Variants in CACNA1C observed in about 807,000 individuals in gnomAD.
The protein encoded by CACNA1C is voltage-dependent L-type calcium channel subunit alpha-1C.
CACNA1C carries 30 observed loss-of-function variants against 229.0 expected under a neutral mutation model. The ratio of observed to expected loss-of-function variants is 0.13; its 90% CI spans 0.10 to 0.18. CACNA1C has a LOEUF of 0.18. Ranked by LOEUF, CACNA1C falls within the 10% of genes least tolerant of loss-of-function variation. The probability of loss-of-function intolerance (pLI) is 1.00; values close to 1 mark genes in which losing one functional copy is unlikely to be tolerated. For missense variants in CACNA1C, 1,658 were observed against 2,845.0 expected (o/e 0.58, Z 9.49); for synonymous variants, 1,114 against 1,132.5 (o/e 0.98, Z 0.33).
At chr12:2,043,642 CTTTTTT>C (rs67625680) in intron 1 of CACNA1C, among the ~76,000 whole-genome samples, 7 of 91,382 alleles carry the variant, frequency 7.7e-5, no homozygotes, top group East Asian at 2.9e-4. Context: ...ACAGAATATT[CTTTTTT>C]TTTTTTTTTT....
chr12:2,653,767 TC>T lies in CACNA1C; in HGVS notation c.4075-65del. 1 of 1,390,596 alleles carries T rather than the reference TC, an allele frequency of 7.2e-7. No homozygotes were observed. Among genetic ancestry groups the T allele is most frequent in the Non-Finnish European group, 1.0e-6 (1 of 981,698 alleles). 86.1% of individuals were successfully genotyped at this position (1,390,596 alleles called of 1,614,324 possible). On this transcript the variant is annotated intron_variant, in intron 32 of 46. Transcript: ENST00000399655. The surrounding 1 kb of genome is among the most constrained non-coding windows in gnomAD (Gnocchi z 4.7). Reference sequence around the variant, plus strand: ...GGCTGCAGAGACAGGGATGCGGCGCTCCCTGGGAAGGGGCCCAGCTGGCCTC... The same window carrying T: ...GGCTGCAGAGACAGGGATGCGGCGCTCCTGGGAAGGGGCCCAGCTGGCCTC...
intron 29 of CACNA1C, chr12:2,612,751 G>A (rs1286081652): frequency 6.6e-6 from 1 of 152,184 alleles, no homozygotes; most frequent in Non-Finnish European, 1.5e-5. Context: ...GCAGACACTG[G>A]TATGAGCCAC....
rs2099705912 is a variant in CACNA1C, at chr12:2,488,589, A to G, written c.916+2327A>G. ...GAAGTTGCCTCCTACCAAGAGACTCATCAGATTGTTTATGTGATGGGTTTA... is the reference window on the plus strand; with the variant it reads ...GAAGTTGCCTCCTACCAAGAGACTCGTCAGATTGTTTATGTGATGGGTTTA... On this transcript the variant is annotated intron_variant, in intron 6 of 46. Transcript: ENST00000399655. The surrounding 1 kb of genome is among the most constrained non-coding windows in gnomAD (Gnocchi z 4.0). 6.6e-6 allele frequency among the ~76,000 whole-genome samples: 1 copy of G among 152,220 alleles called. No individual in the cohort carries two copies. The highest frequency in any genetic ancestry group is 2.4e-5 in the African/African-American group (1 of 41,462).
chr12:2,200,251 C>T (rs2097544001), intron 3 of CACNA1C, among the ~76,000 whole-genome samples: 1 of 152,192 alleles, frequency 6.6e-6, no homozygotes, highest in Non-Finnish European at 1.5e-5. Flanking sequence ...CCTGTGAATG[C>T]TTTCATTCAG....
intron 9 of CACNA1C, among the ~76,000 whole-genome samples, chr12:2,539,289 A>G (rs113108771): frequency 2.7e-5 from 2 of 73,858 alleles, no homozygotes; most frequent in African/African-American, 6.7e-5. Context: ...TAAGGACTTA[A>G]GGAGGGCTTC....
intron 3 of CACNA1C, among the ~76,000 whole-genome samples, chr12:2,426,975 C>T (rs1437964989): frequency 6.6e-6 from 1 of 152,196 alleles, no homozygotes; most frequent in Admixed American, 6.5e-5. Flanking sequence ...ACAAAGTCAG[C>T]TCAGATTGAA....
At chr12:2,349,465 T>C (rs1018644391) in intron 3 of CACNA1C, among the ~76,000 whole-genome samples, 4 of 152,204 alleles carry the variant, frequency 2.6e-5, no homozygotes, top group African/African-American at 9.6e-5. Context: ...ATAAACATTT[T>C]ACAAGCAGAT....
At chr12:2,185,673 C>T (rs1327243119) in intron 3 of CACNA1C, among the ~76,000 whole-genome samples, 1 of 152,238 alleles carries the variant, frequency 6.6e-6, no homozygotes, top group Non-Finnish European at 1.5e-5. Context: ...GAGACATCCA[C>T]CCTGCTGGCA....
intron 7 of CACNA1C, among the ~76,000 whole-genome samples, chr12:2,498,507 A>G (rs955952257): frequency 2.0e-5 from 3 of 152,146 alleles, no homozygotes; most frequent in African/African-American, 4.8e-5. Flanking sequence ...AGTCCTTATG[A>G]TTCTGTAATT....
chr12:2,076,300 G>A (rs892207583), intron 1 of CACNA1C, among the ~76,000 whole-genome samples: 14 of 152,198 alleles, frequency 9.2e-5, no homozygotes, highest in Non-Finnish European at 1.9e-4. Context: ...AACTTGCAGA[G>A]CAATGTCAAA....
intron 1 of CACNA1C, among the ~76,000 whole-genome samples, chr12:2,032,173 C>T (rs2048350700): frequency 6.6e-6 from 1 of 152,054 alleles, no homozygotes; most frequent in African/African-American, 2.4e-5. Flanking sequence ...AAGGGAGCAA[C>T]TTGGAGGAGT....
At chr12:2,610,873 G>A (rs1164329967) in intron 28 of CACNA1C, among the ~76,000 whole-genome samples, 174 bp downstream of exon 28, 1 of 152,224 alleles carries the variant, frequency 6.6e-6, no homozygotes, top group African/African-American at 2.4e-5. Context: ...TGGGCCTTAC[G>A]GAAGAATCCA....
Position 2,595,536 on chromosome 12 carries a change from G to C in CACNA1C, c.2664-338G>C, listed in dbSNP as rs1368356170. Among the ~76,000 whole-genome samples, 1 of 152,158 alleles carries C rather than the reference G, an allele frequency of 6.6e-6. No homozygotes were observed. The highest frequency in any genetic ancestry group is 1.5e-5 in the Non-Finnish European group (1 of 68,040). ...ATTGTGCCTTATGCATAAGCATAGA[G>C]TTGATCTCATAAAGTGATTTCTTTT... On this transcript the variant is annotated intron_variant, in intron 19 of 46. Coordinates refer to ENST00000399655, the MANE Select transcript of CACNA1C (RefSeq NM_000719.7). This position sits in a 1 kb window ranked among gnomAD's most constrained non-coding sequence, Gnocchi z 4.1.
At position 2,221,129 on chromosome 12, in the gene CACNA1C, A is replaced by G. The variant is rs1441573252; in HGVS notation, c.477+100699A>G. 7.9e-5 allele frequency among the ~76,000 whole-genome samples: 12 copies of G among 152,236 alleles called. No individual in the cohort carries two copies. The South Asian group carries it at 2.3e-3, about 29-fold the overall frequency. On this transcript the variant is annotated intron_variant, in intron 3 of 46. Transcript: ENST00000399655. ...ATAGCAAGTACAAAGGCCCAGAGGC[A>G]GGACAACCTTGGCATGTGTCAGAAA...
intron 45 of CACNA1C, among the ~76,000 whole-genome samples, chr12:2,687,856 A>C (rs151296052): frequency 9.2e-4 from 140 of 152,340 alleles, no homozygotes; most frequent in African/African-American, 3.3e-3. Flanking sequence ...TTTTAATCAC[A>C]ATACAGCACC....
In CACNA1C at chr12:2,350,101, C is replaced by T. The variant is rs942815023; in HGVS notation, c.478-98875C>T. 3.3e-5 allele frequency among the ~76,000 whole-genome samples: 5 copies of T among 152,196 alleles called. No individual in the cohort carries two copies. In the South Asian group the frequency reaches 8.3e-4, roughly 25 times the overall value. ...CACTGTCTAGTGAGAAGGTGATCTT[C>T]TAGTAACCTCCTTTTGGGGGGCCTA... is the stretch of plus-strand genomic sequence containing the variant. On this transcript the variant is annotated intron_variant, in intron 3 of 46. Transcript: ENST00000399655.
At chr12:2,008,319 A>G (rs2043826801) in intron 1 of CACNA1C, among the ~76,000 whole-genome samples, 1 of 151,028 alleles carries the variant, frequency 6.6e-6, no homozygotes, top group Non-Finnish European at 1.5e-5. Flanking sequence ...GGGTCTCACT[A>G]CGTTGCTCAG....
intron 43 of CACNA1C, among the ~76,000 whole-genome samples, chr12:2,683,862 C>T (rs548898006): frequency 6.6e-5 from 10 of 152,358 alleles, no homozygotes; most frequent in African/African-American, 1.9e-4. Context: ...GGTGTGTCCT[C>T]TCTCAGCCCC....
intron 13 of CACNA1C, among the ~76,000 whole-genome samples, chr12:2,578,167 C>T: frequency 6.6e-6 from 1 of 152,182 alleles, no homozygotes. Flanking sequence ...CGCGCCCGGC[C>T]AGAAGTAATT....
Sources: allele counts gnomAD v4.1 joint callset (sites outside exome capture counted in the v4.1 genomes callset), GRCh38; gene constraint gnomAD v4.1.1; non-coding constraint Gnocchi (gnomAD v3.1); transcripts MANE v1.5; gene names NCBI Gene and HGNC (gene_info 2026-07-23, HGNC 2026-07-21).